Variants in UTRN observed in about 807,000 individuals in gnomAD.
UTRN encodes dystrophin-related protein 1.
In UTRN, 283 loss-of-function variants were observed where a neutral mutation model predicts 463.9. That is an observed-to-expected ratio of 0.61 (90% CI 0.55 to 0.67). The LOEUF (loss-of-function observed/expected upper bound fraction) is 0.67. UTRN is among the 30% of genes least tolerant of loss of function. The pLI is 0.00. For synonymous variants in UTRN, 1,442 were observed against 1,431.5 expected (o/e 1.01, Z -0.17); for missense variants, 3,922 against 4,084.3 (o/e 0.96, Z 1.08).
intron 58 of UTRN, among the ~76,000 whole-genome samples, chr6:144,768,751 G>A (rs767882491): frequency 6.6e-6 from 1 of 152,074 alleles, no homozygotes; most frequent in Non-Finnish European, 1.5e-5. Context: ...TCAGTTTGCA[G>A]AGTTTAAAAT....
chr6:144,803,129 G>A lies in UTRN; in HGVS notation c.9339G>A (p.Met3113Ile). Residue 3113 changes from methionine (M) to isoleucine (I), a missense_variant, in exon 65 of 75, where the codon ATG becomes ATA. By Grantham distance (10) the Met-to-Ile change is conservative (BLOSUM62 1). This residue lies in a region of UTRN where 1,309 missense variants were observed against 1,452.6 expected (regional missense o/e 0.90). Coordinates refer to ENST00000367545, the MANE Select transcript of UTRN (RefSeq NM_007124.3). ...AAGGTCACAAATTACATTACCCAAT[G>A]GTGGAATATTGTATACCTGTGAGTA... is the stretch of plus-strand genomic sequence containing the variant. ...TAKGHKLHYP[M>I]VEYCIPTTSG... 1 of 1,586,844 alleles carries A rather than the reference G, an allele frequency of 6.3e-7. No homozygotes were observed. Among genetic ancestry groups the A allele is most frequent in the Non-Finnish European group, 8.6e-7 (1 of 1,167,154 alleles).
intron 66 of UTRN, among the ~76,000 whole-genome samples, chr6:144,826,161 A>AAAATAAATAAATAAATAAATAAAT (rs372490067): frequency 2.0e-5 from 3 of 148,680 alleles, no homozygotes; most frequent in Admixed American, 6.8e-5. Flanking sequence ...AATAAAAGAA[A>AAAATAAATAAATAAATAAATAAAT]AAATAAATAA....
chr6:144,477,345 GA>G (rs1407388223), intron 25 of UTRN, among the ~76,000 whole-genome samples: 1 of 152,116 alleles, frequency 6.6e-6, no homozygotes, highest in Non-Finnish European at 1.5e-5. Flanking sequence ...GTTTGTATCA[GA>G]AAAATTTATA....
intron 2 of UTRN, among the ~76,000 whole-genome samples, chr6:144,381,614 C>T (rs1327753980): frequency 6.6e-6 from 1 of 152,150 alleles, no homozygotes; most frequent in African/African-American, 2.4e-5. Context: ...GCAAGTCTTT[C>T]CCATGCTGTT....
At chr6:144,424,443 C>A (rs901617261) in intron 6 of UTRN, among the ~76,000 whole-genome samples, 1 of 152,058 alleles carries the variant, frequency 6.6e-6, no homozygotes. Flanking sequence ...GATTTAGGGC[C>A]CACATTACTC....
chr6:144,723,639 T>C (rs191274411), intron 53 of UTRN, among the ~76,000 whole-genome samples: 14 of 152,318 alleles, frequency 9.2e-5, no homozygotes, highest in Admixed American at 9.2e-4. Flanking sequence ...AGCCATCTTG[T>C]TATTGCACAT....
At chr6:144,565,896 G>A (rs1488316177) in intron 50 of UTRN, among the ~76,000 whole-genome samples, 1 of 152,088 alleles carries the variant, frequency 6.6e-6, no homozygotes, top group Non-Finnish European at 1.5e-5. Flanking sequence ...TAGTGTGGGG[G>A]CTGTAAGGTT....
chr6:144,396,170 A>G (rs1242862083), intron 2 of UTRN, among the ~76,000 whole-genome samples: 1 of 152,164 alleles, frequency 6.6e-6, no homozygotes, highest in African/African-American at 2.4e-5. Flanking sequence ...TAGTTTATAC[A>G]CACAATGGAA....
chr6:144,591,834 A>G (rs977014747), intron 51 of UTRN, among the ~76,000 whole-genome samples: 5 of 152,198 alleles, frequency 3.3e-5, no homozygotes, highest in Non-Finnish European at 1.5e-5. Context: ...AAAATTTTAT[A>G]AAATGAAGAA....
intron 35 of UTRN, among the ~76,000 whole-genome samples, chr6:144,513,548 C>CAAAAGAA (rs1471134995): frequency 6.6e-6 from 1 of 150,984 alleles, no homozygotes; most frequent in South Asian, 2.1e-4. Flanking sequence ...GACTCCATCT[C>CAAAAGAA]AAAAGAAAAA....
intron 53 of UTRN, chr6:144,707,134 A>C (rs1381833415): frequency 6.6e-6 from 1 of 152,182 alleles, no homozygotes; most frequent in Non-Finnish European, 1.5e-5. Flanking sequence ...AATAGCTTTA[A>C]CTATAAATTT....
In UTRN at chr6:144,490,153, C is replaced by G; in HGVS notation, c.4217C>G (p.Pro1406Arg). The G allele has an allele frequency of 1.2e-6, 2 of 1,613,738 alleles. No individual in the cohort carries two copies. The highest frequency in any genetic ancestry group is 1.7e-6 in the Non-Finnish European group (2 of 1,179,810). Residue 1406 changes from proline (P) to arginine (R), a missense_variant, in exon 31 of 75, where the codon CCA becomes CGA. Pro to Arg is a moderately radical substitution (Grantham distance 103, BLOSUM62 -2). Transcript: ENST00000367545. ...RNMRSQPLTS[P>R]ESRTARGGSQ... The stretch of plus-strand genomic sequence containing the variant: ...ATGCGTTCTCAGCCCCTGACCTCCC[C>G]AGAGAGTAGGACTGCCAGAGGAGGA...
intron 23 of UTRN, among the ~76,000 whole-genome samples, chr6:144,472,811 A>G (rs1002019522): frequency 2.7e-5 from 4 of 148,928 alleles, no homozygotes; most frequent in South Asian, 2.1e-4. Flanking sequence ...CTCTGTCGCC[A>G]GGCTGGAGTG....
chr6:144,628,567 G>T (rs190953345), intron 51 of UTRN, among the ~76,000 whole-genome samples: 1 of 152,084 alleles, frequency 6.6e-6, no homozygotes, highest in African/African-American at 2.4e-5. Flanking sequence ...GCTTTTCCTT[G>T]ACTTTTTCTC....
intron 2 of UTRN, among the ~76,000 whole-genome samples, chr6:144,365,341 A>G (rs1482101580): frequency 3.3e-5 from 5 of 152,198 alleles, no homozygotes; most frequent in Non-Finnish European, 4.4e-5. Flanking sequence ...TGAAGGGGAA[A>G]AAGGGAAGGA....
At chr6:144,769,588 T>G (rs1793775036) in intron 58 of UTRN, among the ~76,000 whole-genome samples, 1 of 152,216 alleles carries the variant, frequency 6.6e-6, no homozygotes, top group African/African-American at 2.4e-5. Context: ...ATTTTCCTCT[T>G]GTGATTCCGT....
At chr6:144,353,873 A>C (rs1431201760) in intron 2 of UTRN, among the ~76,000 whole-genome samples, 2 of 152,164 alleles carry the variant, frequency 1.3e-5, no homozygotes, top group Admixed American at 1.3e-4. Context: ...ACACAAAAAC[A>C]AAAACAAAAA....
At chr6:144,738,204 C>T (rs1789655232) in intron 54 of UTRN, among the ~76,000 whole-genome samples, 1 of 152,176 alleles carries the variant, frequency 6.6e-6, no homozygotes. Flanking sequence ...TTCCTAGCTC[C>T]TCCTTGATCT....
chr6:144,431,048 G>A (rs1021200525), intron 9 of UTRN, among the ~76,000 whole-genome samples: 3 of 151,904 alleles, frequency 2.0e-5, no homozygotes, highest in African/African-American at 7.2e-5. Context: ...TACTATAATT[G>A]AAAAAAATGC....
Sources: gnomAD v4.1 joint callset for allele counts (sites outside exome capture counted in the v4.1 genomes callset) on GRCh38, gnomAD v4.1.1 for gene constraint, gnomAD v4.1.1 regional missense constraint, MANE v1.5 for transcripts, NCBI Gene and HGNC (gene_info 2026-07-23, HGNC 2026-07-21) for gene names.